FREM2: variants seen among roughly 807,000 people sequenced by gnomAD.
FREM2 encodes the protein FRAS1 related extracellular matrix 2.
FREM2 carries 119 observed loss-of-function variants against 219.9 expected under a neutral mutation model. The ratio of observed to expected loss-of-function variants is 0.54; its 90% confidence interval spans 0.47 to 0.63. The LOEUF is 0.63. Ranked by LOEUF, FREM2 falls within the 30% of genes least tolerant of loss-of-function variation. FREM2 has a pLI of 0.00. For synonymous variants in FREM2, 1,562 were observed against 1,522.8 expected, an observed-to-expected ratio of 1.03 and a Z score of -0.60; for missense variants, 4,030 against 3,993.6, an observed-to-expected ratio of 1.01 and a Z score of -0.25.
At chr13:38,696,615 A>C (rs907431377) in intron 1 of FREM2, among the ~76,000 whole-genome samples, 3 of 152,210 alleles carry the variant, frequency 2.0e-5, no homozygotes, top group Admixed American at 2.0e-4. Flanking sequence ...ATCACAGAAC[A>C]AAACGATTTT....
intron 16 of FREM2, among the ~76,000 whole-genome samples, chr13:38,869,591 A>G (rs1454207142): frequency 6.6e-6 from 1 of 152,218 alleles, no homozygotes; most frequent in East Asian, 1.9e-4. Flanking sequence ...CAAATTTGGA[A>G]TTTCTCTAAT....
At chr13:38,704,996 G>C (rs1870483418) in intron 2 of FREM2, among the ~76,000 whole-genome samples, 1 of 152,076 alleles carries the variant, frequency 6.6e-6, no homozygotes, top group Admixed American at 6.6e-5. Context: ...CGACACATGG[G>C]AATTCCAATT....
chr13:38,690,041 AG>A lies in FREM2; in HGVS notation c.2698del (p.Val900PhefsTer11). 6.2e-7 allele frequency: 1 copy of A among 1,613,924 alleles called. No individual in the cohort carries two copies. Reference sequence around the variant, plus strand: ...ACTTGGAGGACATAAAACAGGGCCGAGTTTCCTATGCCCATAATGGGGACAA... The same window carrying A: ...ACTTGGAGGACATAAAACAGGGCCGATTTCCTATGCCCATAATGGGGACAA... ...FHLEDIKQGR[V>X]SYAHNGDKSL... On this transcript the variant is annotated frameshift_variant, in exon 1 of 24. Coordinates refer to ENST00000280481, the MANE Select transcript of FREM2 (RefSeq NM_207361.6). LOFTEE classifies it high-confidence loss of function.
Position 38,691,912 on chromosome 13 carries a change from G to T in FREM2, c.4568G>T (p.Arg1523Leu), listed in dbSNP as rs771024658. The change falls in exon 1 of 24, where the codon CGT becomes CTT. Residue 1523 changes from arginine to leucine, a missense_variant. Physicochemically the swap from Arg to Leu is moderately radical, Grantham distance 102. Coordinates refer to ENST00000280481, the MANE Select transcript of FREM2 (RefSeq NM_207361.6). ...DGRNPVFRTF[R>L]ISISDVDNKK... ...CGTAACCCTGTCTTTCGGACATTCC[G>T]TATCTCCATTAGCGATGTGGACAAT... 4 of 1,614,122 alleles carry T rather than the reference G, an allele frequency of 2.5e-6. No homozygotes were observed. Among genetic ancestry groups the T allele is most frequent in the South Asian group, 1.1e-5 (1 of 91,084 alleles).
chr13:38,717,780 G>C (rs1460855297), intron 2 of FREM2, among the ~76,000 whole-genome samples: 1 of 152,148 alleles, frequency 6.6e-6, no homozygotes, highest in Non-Finnish European at 1.5e-5. Context: ...TTAATTCTAA[G>C]TTCCCACGAT....
chr13:38,830,347 T>A (rs1329630959), intron 6 of FREM2, among the ~76,000 whole-genome samples: 1 of 152,196 alleles, frequency 6.6e-6, no homozygotes, highest in Admixed American at 6.5e-5. Context: ...TCACAAAGCA[T>A]TGTCACTGTA....
chr13:38,715,884 C>A (rs1302975164), intron 2 of FREM2, among the ~76,000 whole-genome samples: 1 of 151,834 alleles, frequency 6.6e-6, no homozygotes, highest in Non-Finnish European at 1.5e-5. Context: ...TTAGTCTAAG[C>A]TTAAATTAAA....
chr13:38,688,995 A>G lies in FREM2; in HGVS notation c.1651A>G (p.Ile551Val), dbSNP rs1797970881. The G allele has an allele frequency of 1.9e-6, 3 of 1,613,964 alleles. No homozygotes were observed. The highest frequency in any genetic ancestry group is 1.7e-4 in the Middle Eastern group (1 of 6,036). ...GRHQVQFLFP[I>V]TLVPVDDQPP... ...GCACCAGGTACAGTTTCTGTTCCCC[A>G]TCACCTTAGTGCCTGTGGATGACCA... The change falls in exon 1 of 24, where the codon ATC becomes GTC. Residue 551 changes from isoleucine to valine, a missense_variant. Ile to Val is a conservative substitution (Grantham distance 29). This residue lies in a region of FREM2 where 3,102 missense variants were observed against 2,950.7 expected (regional missense o/e 1.05). Transcript: ENST00000280481.
intron 4 of FREM2, among the ~76,000 whole-genome samples, chr13:38,778,853 A>G (rs1158503082): frequency 6.6e-6 from 1 of 152,208 alleles, no homozygotes; most frequent in Admixed American, 6.5e-5. Context: ...TACTAATGCC[A>G]CAGAGTCCAT....
At chr13:38,694,311 G>A (rs1028739916) in intron 1 of FREM2, among the ~76,000 whole-genome samples, 8 of 152,114 alleles carry the variant, frequency 5.3e-5, no homozygotes, top group African/African-American at 1.9e-4. Context: ...GAATTTTTAA[G>A]GAAAATTATC....
chr13:38,754,858 AGATGATGATGATGATGAT>A (rs1157940850), intron 2 of FREM2, among the ~76,000 whole-genome samples: 6 of 141,300 alleles, frequency 4.2e-5, no homozygotes, highest in African/African-American at 1.6e-4. Flanking sequence ...TGGTTGGTCA[AGATGATGATGATGATGAT>A]GATGATGATG....
chr13:38,762,555 T>C (rs534505508), intron 2 of FREM2, among the ~76,000 whole-genome samples: 1 of 152,020 alleles, frequency 6.6e-6, no homozygotes, highest in African/African-American at 2.4e-5. Flanking sequence ...TTCTCCTGCC[T>C]CAGCCTCCCG....
chr13:38,755,118 G>C (rs1384540032), intron 2 of FREM2, among the ~76,000 whole-genome samples: 2 of 151,994 alleles, frequency 1.3e-5, no homozygotes, highest in African/African-American at 4.8e-5. Flanking sequence ...GGTCAGGCTG[G>C]TCTTGAACTC....
intron 16 of FREM2, among the ~76,000 whole-genome samples, chr13:38,867,109 T>C (rs2137928354): frequency 6.6e-6 from 1 of 152,358 alleles, no homozygotes; most frequent in African/African-American, 2.4e-5. Context: ...CTATTGGAAC[T>C]GACAACAGTC....
Position 38,691,684 on chromosome 13 carries a change from G to T in FREM2, c.4340G>T (p.Ser1447Ile), listed in dbSNP as rs1353958697. 1 of 1,614,124 alleles carries T rather than the reference G, an allele frequency of 6.2e-7. No individual in the cohort carries two copies. The highest frequency in any genetic ancestry group is 8.5e-7 in the Non-Finnish European group (1 of 1,180,006). The change falls in exon 1 of 24, where the codon AGT becomes ATT. Residue 1447 changes from serine to isoleucine, a missense_variant. By Grantham distance (142) the Ser-to-Ile change is moderately radical. Coordinates refer to ENST00000280481, the MANE Select transcript of FREM2 (RefSeq NM_207361.6). Reference sequence around the variant, plus strand: ...CTTACAACAGACCTACTAAGCACTAGTGACTTGAACAGTCCTGATGAAAAC... The same window carrying T: ...CTTACAACAGACCTACTAAGCACTATTGACTTGAACAGTCCTGATGAAAAC... Reference protein sequence around the residue: ...VTLTTDLLSTSDLNSPDENLV... With the variant: ...VTLTTDLLSTIDLNSPDENLV...
In FREM2 at chr13:38,876,247, G is replaced by T. The variant is rs1412325831; in HGVS notation, c.8410-1G>T. 6.2e-7 allele frequency: 1 copy of T among 1,613,896 alleles called. No individual in the cohort carries two copies. ...AATATATCAATATCTTCTCCTCAAA[G>T]GTACGTGACTACTCAGGGACCTATA... On this transcript the variant is annotated splice_acceptor_variant, in intron 19 of 23. Coordinates refer to ENST00000280481, the MANE Select transcript of FREM2 (RefSeq NM_207361.6). LOFTEE classifies it high-confidence loss of function.
chr13:38,723,942 G>A (rs11147726), intron 2 of FREM2, among the ~76,000 whole-genome samples: 7,789 of 152,242 alleles, frequency 0.051, 641 homozygotes, highest in African/African-American at 0.17. Context: ...GTAAGTAGCA[G>A]ACGAAGGATG....
chr13:38,878,432 C>A, intron 22 of FREM2, 111 bp downstream of exon 22: 1 of 696,968 alleles, frequency 1.4e-6, no homozygotes, highest in South Asian at 1.5e-5. Flanking sequence ...AGTCCCAGCA[C>A]TTTGGGAGGC....
rs553573186 is a variant in FREM2, at chr13:38,733,991, A to G, written c.5264-30313A>G. 5.8e-4 allele frequency among the ~76,000 whole-genome samples: 89 copies of G among 152,330 alleles called. No individual in the cohort carries two copies. In the South Asian group the frequency reaches 0.018, roughly 31 times the overall value. ...CAGAAAAAAATAGTTCACTTAAACA[A>G]ATATTTAGAAAGCCCAAATAAATAG... is the stretch of plus-strand genomic sequence containing the variant. On this transcript the variant is annotated intron_variant, in intron 2 of 23. Coordinates refer to ENST00000280481, the MANE Select transcript of FREM2 (RefSeq NM_207361.6).
Sources: gnomAD v4.1 joint callset for allele counts (sites outside exome capture counted in the v4.1 genomes callset) on GRCh38, gnomAD v4.1.1 for gene constraint, gnomAD v4.1.1 regional missense constraint, MANE v1.5 for transcripts, NCBI Gene and HGNC (gene_info 2026-07-23, HGNC 2026-07-21) for gene names.